Variants in TRPM2 observed in about 807,000 individuals in gnomAD.
TRPM2 encodes the protein transient receptor potential cation channel subfamily M member 2, also known as estrogen-responsive element-associated gene 1 protein.
In TRPM2, 161 loss-of-function variants were observed where a neutral mutation model predicts 174.0. The ratio of observed to expected loss-of-function variants is 0.93; its 90% CI spans 0.81 to 1.05. The LOEUF (loss-of-function observed/expected upper bound fraction) is 1.05. TRPM2 is among the 50% of genes least tolerant of loss of function. The probability of loss-of-function intolerance (pLI) is 0.00; values close to 1 mark genes in which losing one functional copy is unlikely to be tolerated. For missense variants in TRPM2, 2,057 were observed against 2,038.0 expected (o/e 1.01, Z -0.18); for synonymous variants, 954 against 861.3 (o/e 1.11, Z -1.88).
At chr21:44,386,696 T>G (rs1476285657) in intron 9 of TRPM2, among the ~76,000 whole-genome samples, 1 of 150,538 alleles carries the variant, frequency 6.6e-6, no homozygotes, top group Non-Finnish European at 1.5e-5. Flanking sequence ...TCCAATGCAA[T>G]TCCTATCAAA....
chr21:44,353,532 C>A, upstream of TRPM2: 1 of 832,462 alleles, frequency 1.2e-6, no homozygotes, highest in Non-Finnish European at 1.7e-6. Flanking sequence ...GAGGGCTTCA[C>A]ATGAGGAAGC....
intron 23 of TRPM2, 56 bp from the exon 24 acceptor site, chr21:44,424,796 G>GC: frequency 7.9e-7 from 1 of 1,273,594 alleles, no homozygotes; most frequent in Non-Finnish European, 1.1e-6. Flanking sequence ...GCAGTGGGGT[G>GC]TGTACCATGC....
intron 2 of TRPM2, among the ~76,000 whole-genome samples, chr21:44,359,843 G>A (rs367595462): frequency 1.6e-3 from 237 of 151,942 alleles, no homozygotes; most frequent in African/African-American, 5.6e-3. Context: ...CACCTCCCGG[G>A]CTCAAGCGAT....
At chr21:44,427,938 G>T (rs2050866919) in intron 27 of TRPM2, among the ~76,000 whole-genome samples, 2 of 152,096 alleles carry the variant, frequency 1.3e-5, no homozygotes, top group African/African-American at 4.8e-5. Context: ...GTTTAGGGAG[G>T]TGCATCCGGT....
chr21:44,375,005 G>A (rs867806254), intron 5 of TRPM2, among the ~76,000 whole-genome samples: 9 of 151,760 alleles, frequency 5.9e-5, no homozygotes, highest in East Asian at 3.9e-4. Context: ...TTGACCTCCC[G>A]GGCTCAAGTG....
chr21:44,364,295 C>T lies in TRPM2; in HGVS notation c.423+13C>T, dbSNP rs747928186. 2 of 1,613,046 alleles carry T rather than the reference C, an allele frequency of 1.2e-6. No individual in the cohort carries two copies. Among genetic ancestry groups the T allele is most frequent in the Non-Finnish European group, 1.7e-6 (2 of 1,179,430 alleles). ...GAAGGTGAAAAAGGTTGGTTTCCAT[C>T]ACTCTCGCTCTGAACTGTAGGTGGA... On this transcript the variant is annotated intron_variant, in intron 3 of 31. Transcript: ENST00000397928.
rs1183554800 is a variant in TRPM2, at chr21:44,418,574, G to T, written c.3461+19G>T. 5 of 1,613,156 alleles carry T rather than the reference G, an allele frequency of 3.1e-6. No homozygotes were observed. In the African/African-American group the frequency reaches 5.3e-5, roughly 17 times the overall value. On this transcript the variant is annotated intron_variant, in intron 22 of 31. Transcript: ENST00000397928. Reference sequence around the variant, plus strand: ...GCAATAAGTATGGGGGCTCCGGTGGGCCTGGGGGCGGGAAGCCTCTGGGGG... The same window carrying T: ...GCAATAAGTATGGGGGCTCCGGTGGTCCTGGGGGCGGGAAGCCTCTGGGGG...
Position 44,369,303 on chromosome 21 carries a change from G to T in TRPM2, c.731G>T (p.Trp244Leu). ...CTCATCACCATCGGAGTCGCCACCT[G>T]GGGCACTGTCCACCGCCGCGAGGGC... ...GELITIGVAT[W>L]GTVHRREGLI... The change falls in exon 5 of 32, where the codon TGG becomes TTG. Residue 244 changes from tryptophan (W) to leucine (L), a missense_variant. By Grantham distance (61) the Trp-to-Leu change is moderately conservative. Transcript: ENST00000397928. 1 of 1,613,648 alleles carries T rather than the reference G, an allele frequency of 6.2e-7. No homozygotes were observed. Among genetic ancestry groups the T allele is most frequent in the Non-Finnish European group, 8.5e-7 (1 of 1,179,850 alleles).
intron 23 of TRPM2, 37 bp downstream of exon 23, chr21:44,423,769 A>T: frequency 6.5e-7 from 1 of 1,536,576 alleles, no homozygotes; most frequent in Non-Finnish European, 8.8e-7. Flanking sequence ...AGGAGGTGCC[A>T]CTGCTGGGCC....
At chr21:44,371,762 A>G (rs1369216852) in intron 5 of TRPM2, among the ~76,000 whole-genome samples, 1 of 152,188 alleles carries the variant, frequency 6.6e-6, no homozygotes, top group Non-Finnish European at 1.5e-5. Context: ...TTGGGTGGCC[A>G]TGATTCAGCC....
At chr21:44,380,349 C>T (rs919421273) in intron 8 of TRPM2, among the ~76,000 whole-genome samples, 8 of 152,334 alleles carry the variant, frequency 5.3e-5, no homozygotes, top group Middle Eastern at 3.4e-3. Context: ...TGTGAGCGGC[C>T]GCTCAGCTCC....
chr21:44,427,310 C>T (rs2050838003), intron 27 of TRPM2, among the ~76,000 whole-genome samples, 199 bp downstream of exon 27: 1 of 152,228 alleles, frequency 6.6e-6, no homozygotes, highest in African/African-American at 2.4e-5. Flanking sequence ...GGGACTTGCC[C>T]CCTGGCCTCG....
At chr21:44,436,015 C>A (rs955617380) in intron 28 of TRPM2, among the ~76,000 whole-genome samples, 4 of 151,164 alleles carry the variant, frequency 2.6e-5, no homozygotes, top group South Asian at 2.1e-4. Context: ...CTCAGACCCT[C>A]TCCATACTCA....
chr21:44,434,395 GGGGATGGTGGCGGGGACGGTGGCA>G (rs2051151713), intron 27 of TRPM2, among the ~76,000 whole-genome samples: 2 of 151,974 alleles, frequency 1.3e-5, no homozygotes, highest in Admixed American at 6.6e-5. Flanking sequence ...CGCTGGTGGC[GGGGATGGTGGCGGGGACGGTGGCA>G]GGGATGCTGT....
chr21:44,380,589 C>T (rs569759797), intron 8 of TRPM2, among the ~76,000 whole-genome samples: 8 of 152,338 alleles, frequency 5.3e-5, no homozygotes, highest in East Asian at 1.9e-4. Context: ...GCTCGGCATT[C>T]GCTGATGCTC....
intron 2 of TRPM2, among the ~76,000 whole-genome samples, chr21:44,355,257 G>A (rs375865053): frequency 3.9e-4 from 53 of 134,656 alleles, no homozygotes; most frequent in African/African-American, 1.4e-3. Flanking sequence ...CAAGACCCCC[G>A]CCCAGGCAAC....
intron 16 of TRPM2, 138 bp from the exon 17 acceptor site, chr21:44,405,004 G>A (rs1394135228): frequency 2.4e-5 from 19 of 777,498 alleles, no homozygotes; most frequent in South Asian, 1.3e-4. Flanking sequence ...GACAGCAAGG[G>A]TAGTGATGAT....
At chr21:44,440,958 G>A (rs2051480544) in intron 31 of TRPM2, 53 bp downstream of exon 31, 16 of 1,525,946 alleles carry the variant, frequency 1.0e-5, no homozygotes, top group African/African-American at 1.4e-5. Context: ...GACGGGTATG[G>A]GCGTGGCCTC....
chr21:44,383,758 C>T (rs2146217338), intron 9 of TRPM2, among the ~76,000 whole-genome samples: 1 of 152,180 alleles, frequency 6.6e-6, no homozygotes, highest in East Asian at 1.9e-4. Flanking sequence ...ACGACACTAC[C>T]TTACACAGCC....
Sources: gnomAD v4.1 joint callset for allele counts (sites outside exome capture counted in the v4.1 genomes callset) on GRCh38, gnomAD v4.1.1 for gene constraint, MANE v1.5 for transcripts, NCBI Gene and HGNC (gene_info 2026-07-23, HGNC 2026-07-21) for gene names.